SCARA5: variants seen among roughly 807,000 people sequenced by gnomAD.
The protein encoded by SCARA5 is scavenger receptor class A, member 5 (putative).
A neutral mutation model predicts 46.3 loss-of-function variants in SCARA5; 45 were observed. The observed-to-expected ratio is 0.97, with a 90% CI of 0.76 to 1.24. SCARA5 has a LOEUF of 1.24. Ranked by LOEUF, SCARA5 falls within the 50% of genes most tolerant of loss-of-function variation. SCARA5 has a pLI of 0.00. For synonymous variants in SCARA5, 333 were observed against 306.5 expected, an observed-to-expected ratio of 1.09 and a Z score of -0.90; for missense variants, 680 against 689.0, an observed-to-expected ratio of 0.99 and a Z score of 0.15.
chr8:27,881,383 A>C (rs1311878941), intron 7 of SCARA5, among the ~76,000 whole-genome samples: 1 of 152,144 alleles, frequency 6.6e-6, no homozygotes. Context: ...AAAAAGAACA[A>C]AGTCATGTCC....
chr8:27,936,663 C>T (rs1460062718), intron 3 of SCARA5, among the ~76,000 whole-genome samples: 1 of 144,224 alleles, frequency 6.9e-6, no homozygotes, highest in African/African-American at 2.5e-5. Flanking sequence ...ACCCAGATGC[C>T]CATCATCTGC....
At chr8:27,960,473 C>A (rs1302747354) in intron 3 of SCARA5, among the ~76,000 whole-genome samples, 1 of 152,186 alleles carries the variant, frequency 6.6e-6, no homozygotes, top group Non-Finnish European at 1.5e-5. Context: ...ACTGTCCCAG[C>A]CTACTGAGTA....
chr8:27,956,989 C>T (rs1262155405), intron 3 of SCARA5, among the ~76,000 whole-genome samples: 1 of 152,138 alleles, frequency 6.6e-6, no homozygotes, highest in East Asian at 1.9e-4. Context: ...TCAAAGCCCC[C>T]AGTAAATGGC....
intron 4 of SCARA5, chr8:27,910,055 G>C (rs1807348008): frequency 7.8e-6 from 2 of 254,964 alleles, no homozygotes; most frequent in Non-Finnish European, 1.5e-5. Context: ...AATCCCCAAT[G>C]TGACAGTTTT....
In SCARA5 at chr8:27,871,704, C is replaced by T. The variant is rs544968453; in HGVS notation, c.*230G>A. 5 of 1,387,138 alleles carry T rather than the reference C, an allele frequency of 3.6e-6. No homozygotes were observed. In the African/African-American group the frequency reaches 5.8e-5, roughly 16 times the overall value. The allele number at this position is 1,387,138 out of a possible 1,614,324, so 85.9% of individuals were successfully genotyped here. ...TTGATCAGGGCTCCTCATGCAGGAACCTGGTGGAAGAGAGAGACGGGCAGT... is the reference window on the plus strand; with the variant it reads ...TTGATCAGGGCTCCTCATGCAGGAATCTGGTGGAAGAGAGAGACGGGCAGT... On this transcript the variant is annotated 3_prime_UTR_variant, in exon 9 of 9. Coordinates refer to ENST00000354914, the MANE Select transcript of SCARA5 (RefSeq NM_173833.6).
chr8:27,930,466 G>A (rs562226692), intron 3 of SCARA5, among the ~76,000 whole-genome samples: 10 of 151,690 alleles, frequency 6.6e-5, no homozygotes, highest in Admixed American at 2.0e-4. Context: ...GCAATGGCGC[G>A]ATCTCGGCTC....
At chr8:27,928,218 C>A (rs1162036303) in intron 3 of SCARA5, among the ~76,000 whole-genome samples, 1 of 152,176 alleles carries the variant, frequency 6.6e-6, no homozygotes, top group Non-Finnish European at 1.5e-5. Flanking sequence ...GGGAATAATT[C>A]TTAGTTGAGT....
chr8:27,880,392 G>GA (rs34715999), intron 7 of SCARA5, among the ~76,000 whole-genome samples: 60,094 of 138,404 alleles, frequency 0.43, 13,380 homozygotes, highest in East Asian at 0.64. Context: ...TTCTGTACAG[G>GA]AAAAAAAAAA....
intron 7 of SCARA5, among the ~76,000 whole-genome samples, chr8:27,882,582 G>T (rs990681337): frequency 6.6e-6 from 1 of 152,186 alleles, no homozygotes; most frequent in Admixed American, 6.5e-5. Flanking sequence ...GGTCATTCAT[G>T]TTCACTTTCC....
chr8:27,948,713 G>T (rs189455598), intron 3 of SCARA5, among the ~76,000 whole-genome samples: 4 of 152,194 alleles, frequency 2.6e-5, no homozygotes, highest in Admixed American at 2.6e-4. Flanking sequence ...TGTGGGACTC[G>T]CTCCAAGACT....
At chr8:27,903,068 G>A (rs1404223663) in intron 7 of SCARA5, among the ~76,000 whole-genome samples, 1 of 152,170 alleles carries the variant, frequency 6.6e-6, no homozygotes, top group African/African-American at 2.4e-5. Flanking sequence ...GGGCAGGGCA[G>A]AGAGAAAGCA....
chr8:27,907,052 G>A, intron 6 of SCARA5, 96 bp downstream of exon 6: 1 of 808,870 alleles, frequency 1.2e-6, no homozygotes, highest in South Asian at 1.9e-5. Context: ...CTGGTCCGTG[G>A]CACAGTGAAG....
rs184025101 is a variant in SCARA5, at chr8:27,881,850, A to G, written c.1154-2084T>C. Among the ~76,000 whole-genome samples the G allele has an allele frequency of 5.1e-4, 78 of 152,326 alleles. 2 individuals are homozygous for G. The highest frequency in any genetic ancestry group is 4.6e-3 in the Admixed American group (71 of 15,308). ...GAGAGTGGTGCATTTGTTACACTCA[A>G]TGAACCTACACTGATGCCTCGTCAT... On this transcript the variant is annotated intron_variant, in intron 7 of 8. Coordinates refer to ENST00000354914, the MANE Select transcript of SCARA5 (RefSeq NM_173833.6).
At chr8:27,904,669 G>T in intron 7 of SCARA5, 109 bp downstream of exon 7, 1 of 1,000,934 alleles carries the variant, frequency 1.0e-6, no homozygotes. Context: ...TGACACTTGA[G>T]CCCCAGCCAT....
At chr8:27,968,594 C>G (rs1232947028) in intron 2 of SCARA5, among the ~76,000 whole-genome samples, 1 of 152,204 alleles carries the variant, frequency 6.6e-6, no homozygotes, top group African/African-American at 2.4e-5. Context: ...CTGTTCCTCT[C>G]AAGAGTCAGA....
At chr8:27,909,581 G>A (rs1807337525) in intron 5 of SCARA5, 82 bp downstream of exon 5, 1 of 994,358 alleles carries the variant, frequency 1.0e-6, no homozygotes, top group Non-Finnish European at 1.5e-6. Flanking sequence ...GGGGAGCCCT[G>A]GCATTTATAC....
chr8:27,987,126 G>A (rs918315269), intron 2 of SCARA5, among the ~76,000 whole-genome samples: 11 of 152,216 alleles, frequency 7.2e-5, no homozygotes, highest in Non-Finnish European at 1.6e-4. Context: ...GGAAGTGGGT[G>A]GGAGGCCCCT....
intron 2 of SCARA5, among the ~76,000 whole-genome samples, chr8:27,973,263 G>A (rs954144353): frequency 3.3e-5 from 5 of 152,072 alleles, no homozygotes; most frequent in Non-Finnish European, 2.9e-5. Context: ...GATCACTTGA[G>A]GTCAGGAGTT....
chr8:27,905,699 T>C (rs1034776999), intron 6 of SCARA5, among the ~76,000 whole-genome samples: 1 of 77,580 alleles, frequency 1.3e-5, no homozygotes, highest in Non-Finnish European at 2.4e-5. Context: ...AATTTTCTTT[T>C]CTTTTCTTTT....
Sources: allele counts gnomAD v4.1 joint callset (sites outside exome capture counted in the v4.1 genomes callset), GRCh38; gene constraint gnomAD v4.1.1; transcripts MANE v1.5; gene names NCBI Gene and HGNC (gene_info 2026-07-23, HGNC 2026-07-21).